Variants in SSC4D observed in about 807,000 individuals in gnomAD.
SSC4D encodes scavenger receptor cysteine rich family member with 4 domains.
Under a neutral mutation model 63.4 loss-of-function variants are expected in SSC4D, and 57 were observed. The ratio of observed to expected loss-of-function variants is 0.90; its 90% CI spans 0.73 to 1.12. SSC4D has a LOEUF of 1.12. Among genes scored for constraint, SSC4D ranks in the 50% most tolerant of loss-of-function variants. The pLI, the probability that SSC4D is intolerant of heterozygous loss-of-function variation, is 0.00. For missense variants in SSC4D, 791 were observed against 806.4 expected, an observed-to-expected ratio of 0.98 and a Z score of 0.23; for synonymous variants, 352 against 345.4, an observed-to-expected ratio of 1.02 and a Z score of -0.21.
intron 4 of SSC4D, 120 bp downstream of exon 4, chr7:76,400,166 C>A: frequency 8.7e-7 from 1 of 1,144,188 alleles, no homozygotes; most frequent in Non-Finnish European, 1.1e-6. Flanking sequence ...GGCATTGTAG[C>A]CTCTGGCCTG....
Position 76,400,341 on chromosome 7 carries a change from G to A in SSC4D, c.420C>T (p.Arg140=), listed in dbSNP as rs769591656. 8.5e-6 allele frequency: 13 copies of A among 1,522,960 alleles called. No homozygotes were observed. The highest frequency in any genetic ancestry group is 2.1e-5 in the Admixed American group (1 of 47,484). The allele number at this position is 1,522,960 out of a possible 1,614,324, so 94.3% of individuals were successfully genotyped here. ...GAAAGCAATTGTGGACGCCCCAGCC[G>A]CGGCTGCCGCACTCGCTCAGCGCAG... ...QEAALSECGS[R]GWGVHNCFHY... The change falls in exon 4 of 11, where the codon CGC becomes CGT. Residue 140 remains arginine, a synonymous_variant. Coordinates refer to ENST00000275560, the MANE Select transcript of SSC4D (RefSeq NM_080744.2).
intron 5 of SSC4D, among the ~76,000 whole-genome samples, 173 bp downstream of exon 5, chr7:76,398,519 GGTCTGGAGCTCCCAACCTCAAGTGATCC>G (rs1804713565): frequency 6.6e-6 from 1 of 152,090 alleles, no homozygotes; most frequent in South Asian, 2.1e-4. Context: ...TGGCCAGTCT[GGTCTGGAGCTCCCAACCTCAAGTGATCC>G]GCTGGCCTCG....
At chr7:76,402,199 T>C (rs1380457667) in intron 2 of SSC4D, among the ~76,000 whole-genome samples, 2 of 151,106 alleles carry the variant, frequency 1.3e-5, no homozygotes, top group Non-Finnish European at 3.0e-5. Context: ...TTTTTTTTTT[T>C]TGAGACAGAG....
intron 2 of SSC4D, among the ~76,000 whole-genome samples, chr7:76,403,616 G>A (rs1259976713): frequency 2.0e-5 from 3 of 151,716 alleles, no homozygotes; most frequent in Non-Finnish European, 2.9e-5. Context: ...GATTACAGGC[G>A]ACAGCCACCG....
At chr7:76,407,259 C>A (rs1248239084) in intron 1 of SSC4D, among the ~76,000 whole-genome samples, 1 of 152,188 alleles carries the variant, frequency 6.6e-6, no homozygotes, top group African/African-American at 2.4e-5. Context: ...CCAGGCTTGG[C>A]CCTGATTTAA....
chr7:76,400,608 G>A lies in SSC4D; in HGVS notation c.170-17C>T. The A allele has an allele frequency of 1.4e-6, 2 of 1,440,000 alleles. No homozygotes were observed. Among genetic ancestry groups the A allele is most frequent in the Non-Finnish European group, 1.8e-6 (2 of 1,094,444 alleles). The allele number at this position is 1,440,000 out of a possible 1,614,324, so 89.2% of individuals were successfully genotyped here. ...GCCTCAGCTCTGTGAAGAGGGTGGA[G>A]CTGGCACCAGGGGGTCACTGAGTCC... On this transcript the variant is annotated splice_polypyrimidine_tract_variant and intron_variant, in intron 3 of 10. Transcript: ENST00000275560.
intron 5 of SSC4D, among the ~76,000 whole-genome samples, chr7:76,398,187 T>G: frequency 6.6e-6 from 1 of 152,138 alleles, no homozygotes; most frequent in South Asian, 2.1e-4. Flanking sequence ...CTTCTTTGCC[T>G]CTTTCACTGT....
chr7:76,389,854 C>T lies in SSC4D; in HGVS notation c.*205G>A, dbSNP rs946484043. On this transcript the variant is annotated 3_prime_UTR_variant, in exon 11 of 11. Transcript: ENST00000275560. Reference sequence around the variant, plus strand: ...TTCACTGAATTGGGCTCACAACAGTCGATGACAGGCTGAGGTCACGCAGTA... The same window carrying T: ...TTCACTGAATTGGGCTCACAACAGTTGATGACAGGCTGAGGTCACGCAGTA... 7 of 641,072 alleles carry T rather than the reference C, an allele frequency of 1.1e-5. No homozygotes were observed. The highest frequency in any genetic ancestry group is 5.5e-5 in the African/African-American group (3 of 54,670). 39.7% of individuals were successfully genotyped at this position (641,072 alleles called of 1,614,324 possible). A position where few individuals can be genotyped will look rare whatever the true frequency, so the allele number is the denominator to read the frequency against.
Position 76,389,803 on chromosome 7 carries a change from T to A in SSC4D, c.*256A>T. The stretch of plus-strand genomic sequence containing the variant: ...ATCATCCTCTTCCCCTCGTTTTGGT[T>A]TTGGCTGAGCAAAACCACAGGAGCT... On this transcript the variant is annotated 3_prime_UTR_variant, in exon 11 of 11. Transcript: ENST00000275560. 1 of 529,454 alleles carries A rather than the reference T, an allele frequency of 1.9e-6. No individual in the cohort carries two copies. Among genetic ancestry groups the A allele is most frequent in the Non-Finnish European group, 3.4e-6 (1 of 297,346 alleles). The allele number at this position is 529,454 out of a possible 1,614,324, so 32.8% of individuals were successfully genotyped here.
chr7:76,407,203 C>G (rs928111144), intron 1 of SSC4D, among the ~76,000 whole-genome samples: 1 of 152,212 alleles, frequency 6.6e-6, no homozygotes, highest in Non-Finnish European at 1.5e-5. Context: ...TCAAGTGATA[C>G]ACCCGCCTCG....
At chr7:76,391,713 G>A (rs1804497649) in intron 10 of SSC4D, among the ~76,000 whole-genome samples, 1 of 152,080 alleles carries the variant, frequency 6.6e-6, no homozygotes, top group African/African-American at 2.4e-5. Flanking sequence ...GCTCTGCTCA[G>A]GACAGGATCC....
Position 76,393,485 on chromosome 7 carries a change from G to A in SSC4D, c.1253C>T (p.Ala418Val). 6.6e-7 allele frequency: 1 copy of A among 1,523,814 alleles called. No individual in the cohort carries two copies. The highest frequency in any genetic ancestry group is 8.8e-7 in the Non-Finnish European group (1 of 1,142,842). 94.4% of individuals were successfully genotyped at this position (1,523,814 alleles called of 1,614,324 possible). The change falls in exon 9 of 11, where the codon GCT becomes GTT. Residue 418 changes from alanine (A) to valine (V), a missense_variant. By Grantham distance (64) the Ala-to-Val change is moderately conservative. Coordinates refer to ENST00000275560, the MANE Select transcript of SSC4D (RefSeq NM_080744.2). ...LDNVGCAGTE[A>V]RLSDCFHLGW... ...CAGGTGGAAGCAGTCGCTCAGGCGA[G>A]CCTCGGTGCCGGCGCAGCCCACGTT...
intron 1 of SSC4D, among the ~76,000 whole-genome samples, chr7:76,408,128 G>A (rs1023783000): frequency 3.9e-5 from 6 of 152,138 alleles, no homozygotes; most frequent in African/African-American, 1.2e-4. Flanking sequence ...GCTACACTGA[G>A]AGTGGGACTG....
chr7:76,405,133 C>A (rs1216633063), intron 1 of SSC4D, among the ~76,000 whole-genome samples: 4 of 145,790 alleles, frequency 2.7e-5, no homozygotes, highest in African/African-American at 1.0e-4. Flanking sequence ...CAGACAGAGT[C>A]TCACTCTGTG....
At chr7:76,396,642 G>A (rs1350072541) in intron 6 of SSC4D, among the ~76,000 whole-genome samples, 2 of 152,306 alleles carry the variant, frequency 1.3e-5, no homozygotes, top group South Asian at 2.1e-4. Flanking sequence ...TGCATTAACT[G>A]TGTGACCATG....
chr7:76,396,212 G>A (rs532952433), intron 6 of SSC4D, among the ~76,000 whole-genome samples: 71 of 152,304 alleles, frequency 4.7e-4, no homozygotes, highest in African/African-American at 1.6e-3. Flanking sequence ...CTCAGATACC[G>A]GGCCAAATTG....
chr7:76,401,067 T>C, intron 2 of SSC4D, 24 bp from the exon 3 acceptor site: 1 of 1,534,860 alleles, frequency 6.5e-7, no homozygotes, highest in South Asian at 1.2e-5. Context: ...AGGAAGAGCA[T>C]TGGCCCCTCT....
intron 7 of SSC4D, among the ~76,000 whole-genome samples, chr7:76,394,748 AAT>A (rs35943058): frequency 0.15 from 20,200 of 130,976 alleles, 1,588 homozygotes; most frequent in Middle Eastern, 0.23. Context: ...ATGTATGTAT[AAT>A]ATATATATAT....
chr7:76,390,371 A>G lies in SSC4D; in HGVS notation c.1416T>C (p.His472=), dbSNP rs1402850530. The part of the protein sequence containing the change: ...RVPTPRPRDG[H]LRLVNGAHRC... ...GGTGGGCTCCATTGACCAGACGTAGATGCCCTGTGGGGGGACAGGGCTGGG... is the reference window on the plus strand; with the variant it reads ...GGTGGGCTCCATTGACCAGACGTAGGTGCCCTGTGGGGGGACAGGGCTGGG... The change falls in exon 11 of 11, where the codon CAT becomes CAC. Residue 472 remains histidine (H), a synonymous_variant. Coordinates refer to ENST00000275560, the MANE Select transcript of SSC4D (RefSeq NM_080744.2). 1 of 1,581,476 alleles carries G rather than the reference A, an allele frequency of 6.3e-7. No homozygotes were observed. The highest frequency in any genetic ancestry group is 1.3e-5 in the African/African-American group (1 of 74,574).
Sources: allele counts gnomAD v4.1 joint callset (sites outside exome capture counted in the v4.1 genomes callset), GRCh38; gene constraint gnomAD v4.1.1; transcripts MANE v1.5; gene names NCBI Gene and HGNC (gene_info 2026-07-23, HGNC 2026-07-21).